Variants in PDE4D observed in about 807,000 individuals in gnomAD.
PDE4D encodes the protein phosphodiesterase 4D, also known as 3',5'-cyclic-AMP phosphodiesterase 4D.
Under a neutral mutation model 87.4 loss-of-function variants are expected in PDE4D, and 24 were observed. The observed-to-expected ratio is 0.27, with a 90% confidence interval of 0.20 to 0.39. The LOEUF (loss-of-function observed/expected upper bound fraction) is 0.39. Among genes scored for constraint, PDE4D ranks in the 10% least tolerant of loss-of-function variants. The probability of loss-of-function intolerance (pLI) is 1.00; values close to 1 mark genes in which losing one functional copy is unlikely to be tolerated. For synonymous variants in PDE4D, 384 were observed against 383.2 expected (o/e 1.00, Z -0.02); for missense variants, 714 against 1,041.0 (o/e 0.69, Z 4.32).
intron 3 of PDE4D, among the ~76,000 whole-genome samples, chr5:59,931,278 ATTTGT>A (rs1755886829): frequency 6.6e-6 from 1 of 152,222 alleles, no homozygotes; most frequent in African/African-American, 2.4e-5. Context: ...TCAAAATAGT[ATTTGT>A]TTTAAGGCTT....
intron 1 of PDE4D, among the ~76,000 whole-genome samples, chr5:59,868,887 A>G (rs1747420594): frequency 6.6e-6 from 1 of 152,218 alleles, no homozygotes; most frequent in Admixed American, 6.6e-5. Flanking sequence ...ACTATTTCCC[A>G]TCTCCTCTAA....
At chr5:59,733,753 CCTT>C (rs980898011) in intron 1 of PDE4D, among the ~76,000 whole-genome samples, 1 of 151,910 alleles carries the variant, frequency 6.6e-6, no homozygotes, top group Admixed American at 6.6e-5. Flanking sequence ...CTCTTTCTTC[CCTT>C]CTTCTTCACA....
rs563138575 is a variant in PDE4D at position 59,175,471 on chromosome 5, C to CTT, written c.808+5122_808+5123dup. On this transcript the variant is annotated intron_variant, in intron 5 of 14. Coordinates refer to ENST00000340635, the MANE Select transcript of PDE4D (RefSeq NM_001104631.2). ...TTCGGAACTCTATCCATTTTTCTTT[C>CTT]TTTTTTTTTTTTTTTTTTTTTTTTT... 1.2e-3 allele frequency among the ~76,000 whole-genome samples: 113 copies of CTT among 91,202 alleles called. 5 individuals are homozygous for CTT. The East Asian group carries it at 0.018, about 14-fold the overall frequency. The allele number at this position is 91,202 out of a possible 152,430, so 59.8% of individuals were successfully genotyped here.
chr5:59,319,713 A>G (rs187440384), intron 1 of PDE4D, among the ~76,000 whole-genome samples: 4 of 152,238 alleles, frequency 2.6e-5, no homozygotes, highest in Admixed American at 2.0e-4. Context: ...TGGATTAACT[A>G]TATATTTTAT....
chr5:59,881,399 A>G (rs1749412606), intron 1 of PDE4D, among the ~76,000 whole-genome samples: 1 of 152,202 alleles, frequency 6.6e-6, no homozygotes, highest in African/African-American at 2.4e-5. Flanking sequence ...ACTCTCCTGC[A>G]ACATCATCAT....
At chr5:59,281,134 T>C (rs1007018387) in intron 1 of PDE4D, among the ~76,000 whole-genome samples, 2 of 152,160 alleles carry the variant, frequency 1.3e-5, no homozygotes, top group Non-Finnish European at 2.9e-5. Context: ...TACATGTTCA[T>C]ACACCTGCTA....
At position 59,194,608 on chromosome 5, in the gene PDE4D, CAGA is replaced by C. The variant is rs377291027; in HGVS notation, c.648-1075_648-1073del. Among the ~76,000 whole-genome samples the C allele has an allele frequency of 5.3e-5, 8 of 152,160 alleles. No individual in the cohort carries two copies. In the East Asian group the frequency reaches 9.7e-4, roughly 18 times the overall value. ...AAAATAAAAATGTGGGAAATAAAAG[CAGA>C]AGAAGGAAAAAACAATGTAAAGGAA... On this transcript the variant is annotated intron_variant, in intron 2 of 14. Transcript: ENST00000340635.
intron 1 of PDE4D, among the ~76,000 whole-genome samples, chr5:59,427,040 CACACACACAT>C (rs1795356724): frequency 1.1e-5 from 1 of 88,430 alleles, no homozygotes; most frequent in Non-Finnish European, 2.2e-5. Flanking sequence ...CACACACACA[CACACACACAT>C]TACATATATA....
At chr5:59,017,155 C>T (rs957840450) in intron 6 of PDE4D, among the ~76,000 whole-genome samples, 1 of 152,140 alleles carries the variant, frequency 6.6e-6, no homozygotes, top group Non-Finnish European at 1.5e-5. Flanking sequence ...GGCAACATCA[C>T]GTGGGTCCTG....
At chr5:59,432,161 A>G (rs938956462) in intron 1 of PDE4D, among the ~76,000 whole-genome samples, 4 of 152,244 alleles carry the variant, frequency 2.6e-5, no homozygotes, top group Admixed American at 2.0e-4. Context: ...CTTTTTATTT[A>G]TACAAATATA....
intron 2 of PDE4D, among the ~76,000 whole-genome samples, chr5:60,137,960 T>A: frequency 6.6e-6 from 1 of 152,174 alleles, no homozygotes; most frequent in East Asian, 1.9e-4. Context: ...TTTATTTTTG[T>A]ATATGGTGTA....
chr5:59,360,309 C>T (rs1275048776), intron 1 of PDE4D, among the ~76,000 whole-genome samples: 3 of 151,992 alleles, frequency 2.0e-5, no homozygotes, highest in Admixed American at 1.3e-4. Flanking sequence ...AGTGGGGTTG[C>T]GTTAGGTTGA....
chr5:59,814,961 A>G (rs1021269758), intron 1 of PDE4D, among the ~76,000 whole-genome samples: 3 of 152,228 alleles, frequency 2.0e-5, no homozygotes, highest in African/African-American at 7.2e-5. Flanking sequence ...AGAACAGCAC[A>G]GAGTCTCAGA....
At chr5:59,267,950 C>T (rs914854943) in intron 1 of PDE4D, among the ~76,000 whole-genome samples, 3 of 152,070 alleles carry the variant, frequency 2.0e-5, no homozygotes, top group Non-Finnish European at 4.4e-5. Flanking sequence ...GTCCTCTACA[C>T]TGAGTTTCAT....
chr5:59,463,032 A>G (rs1160123614), intron 1 of PDE4D, among the ~76,000 whole-genome samples: 1 of 152,210 alleles, frequency 6.6e-6, no homozygotes, highest in East Asian at 1.9e-4. Flanking sequence ...AATGACTAAA[A>G]TGTCCTTGGT....
chr5:60,129,841 T>C (rs1779420869), intron 2 of PDE4D, among the ~76,000 whole-genome samples: 1 of 152,160 alleles, frequency 6.6e-6, no homozygotes, highest in Non-Finnish European at 1.5e-5. Context: ...AACAGAAAGG[T>C]CTCTAAAGCA....
intron 5 of PDE4D, among the ~76,000 whole-genome samples, chr5:59,075,678 A>T (rs978339248): frequency 2.0e-5 from 3 of 152,130 alleles, no homozygotes; most frequent in Non-Finnish European, 4.4e-5. Flanking sequence ...TTATTTCAAA[A>T]GCTATTATTA....
chr5:59,192,750 C>G (rs1241700131), intron 3 of PDE4D, among the ~76,000 whole-genome samples: 3 of 152,112 alleles, frequency 2.0e-5, no homozygotes, highest in Non-Finnish European at 4.4e-5. Context: ...TTGTCTATAC[C>G]AGAGACTCTC....
intron 2 of PDE4D, among the ~76,000 whole-genome samples, chr5:60,079,311 A>C (rs200884055): frequency 6.6e-5 from 10 of 151,944 alleles, no homozygotes; most frequent in Non-Finnish European, 1.2e-4. Context: ...GATAGGAAAA[A>C]TTTTCTCCCA....
Sources: gnomAD v4.1 joint callset for allele counts (sites outside exome capture counted in the v4.1 genomes callset) on GRCh38, gnomAD v4.1.1 for gene constraint, MANE v1.5 for transcripts, NCBI Gene and HGNC (gene_info 2026-07-23, HGNC 2026-07-21) for gene names.